Variants in RIPOR2 observed in about 807,000 individuals in gnomAD.
RIPOR2 encodes the protein rho family-interacting cell polarization regulator 2.
RIPOR2 carries 39 observed loss-of-function variants against 114.5 expected under a neutral mutation model. The ratio of observed to expected loss-of-function variants is 0.34; its 90% CI spans 0.26 to 0.44. The LOEUF (loss-of-function observed/expected upper bound fraction) is 0.44. Among genes scored for constraint, RIPOR2 ranks in the 20% least tolerant of loss-of-function variants. The probability of loss-of-function intolerance (pLI) is 1.00; values close to 1 mark genes in which losing one functional copy is unlikely to be tolerated. For missense variants in RIPOR2, 1,007 were observed against 1,255.1 expected (o/e 0.80, Z 2.99); for synonymous variants, 445 against 484.4 (o/e 0.92, Z 1.07).
intron 12 of RIPOR2, among the ~76,000 whole-genome samples, 182 bp from the exon 13 acceptor site, chr6:24,843,736 T>C (rs2113737922): frequency 6.7e-6 from 1 of 149,258 alleles, no homozygotes; most frequent in Admixed American, 6.7e-5. Context: ...TGTGTGTGTG[T>C]GTGTGTGTAT....
At chr6:24,824,691 C>G (rs1442843687) in intron 19 of RIPOR2, among the ~76,000 whole-genome samples, 1 of 152,210 alleles carries the variant, frequency 6.6e-6, no homozygotes. Context: ...CTCTTTCAGC[C>G]AATAGTTAGA....
At chr6:24,839,841 G>A (rs1761481570) in intron 13 of RIPOR2, 1 of 1,265,544 alleles carries the variant, frequency 7.9e-7, no homozygotes, top group Admixed American at 3.9e-5. Flanking sequence ...GCTATCTAAG[G>A]CATCTGCTCT....
rs1038921073 is a variant in RIPOR2, at chr6:24,913,617, G to T, written c.61+22221C>A. On this transcript the variant is annotated intron_variant, in intron 1 of 21. Coordinates refer to ENST00000643898, the MANE Select transcript of RIPOR2 (RefSeq NM_001286445.3). ...TTAAGGTCATATAACCAAATAAAAA[G>T]CCCACACCAGGTCTCCTAGAGCTTA... Among the ~76,000 whole-genome samples, 26 of 152,104 alleles carry T rather than the reference G, an allele frequency of 1.7e-4. 3 individuals are homozygous for T. The highest frequency in any genetic ancestry group is 1.6e-3 in the Admixed American group (25 of 15,262).
chr6:24,885,913 T>C (rs1046338388), intron 1 of RIPOR2, among the ~76,000 whole-genome samples: 7 of 152,176 alleles, frequency 4.6e-5, no homozygotes, highest in Non-Finnish European at 1.0e-4. Context: ...AAGATAGCAA[T>C]TTTTAGGTAA....
intron 1 of RIPOR2, among the ~76,000 whole-genome samples, chr6:24,987,763 T>A (rs1239152276): frequency 1.3e-5 from 2 of 152,190 alleles, no homozygotes; most frequent in Non-Finnish European, 2.9e-5. Flanking sequence ...ATATACCACA[T>A]GGGATAAATC....
chr6:25,016,603 A>G (rs1776015337), intron 1 of RIPOR2, among the ~76,000 whole-genome samples: 1 of 152,238 alleles, frequency 6.6e-6, no homozygotes. Context: ...GAATCTGGGA[A>G]CATTAAGTAA....
At chr6:24,998,156 C>G (rs1415429035) in intron 1 of RIPOR2, among the ~76,000 whole-genome samples, 2 of 152,082 alleles carry the variant, frequency 1.3e-5, no homozygotes, top group East Asian at 3.9e-4. Flanking sequence ...TCTCCTTTTC[C>G]CCTTAACTTC....
At chr6:25,015,308 T>C (rs1400272549) in intron 1 of RIPOR2, 2 of 152,250 alleles carry the variant, frequency 1.3e-5, no homozygotes. Flanking sequence ...CAAGAGCACA[T>C]TTGTACTCTG....
chr6:25,002,988 G>A (rs187823954), intron 1 of RIPOR2, among the ~76,000 whole-genome samples: 6 of 152,166 alleles, frequency 3.9e-5, no homozygotes, highest in Admixed American at 6.5e-5. Flanking sequence ...CAGCTCCTGC[G>A]AATATTTCTG....
At position 24,873,697 on chromosome 6, in the gene RIPOR2, C is replaced by T. The variant is rs762536781; in HGVS notation, c.291G>A (p.Glu97=). 10 of 1,613,604 alleles carry T rather than the reference C, an allele frequency of 6.2e-6. No individual in the cohort carries two copies. Among genetic ancestry groups the T allele is most frequent in the Non-Finnish European group, 7.6e-6 (9 of 1,179,836 alleles). The change falls in exon 3 of 22, where the codon GAG becomes GAA. Residue 97 remains glutamate, a synonymous_variant. Coordinates refer to ENST00000643898, the MANE Select transcript of RIPOR2 (RefSeq NM_001286445.3). ...LGHKNNNPPK[E]PQPKRVEEVY... ...CTTCTTCCACCCTTTTAGGCTGAGGCTCTTTGGGGGGATTGTTGTTTTTGT... is the reference window on the plus strand; with the variant it reads ...CTTCTTCCACCCTTTTAGGCTGAGGTTCTTTGGGGGGATTGTTGTTTTTGT...
intron 1 of RIPOR2, among the ~76,000 whole-genome samples, chr6:24,942,187 A>G (rs1772169558): frequency 6.6e-6 from 1 of 152,218 alleles, no homozygotes; most frequent in Admixed American, 6.5e-5. Flanking sequence ...GAAAAAATGA[A>G]TTTTATTTAA....
chr6:24,921,650 C>T (rs1021980433), intron 1 of RIPOR2, among the ~76,000 whole-genome samples: 2 of 147,154 alleles, frequency 1.4e-5, no homozygotes, highest in African/African-American at 5.0e-5. Context: ...TAACACTTAT[C>T]GCCCCCCCCG....
At chr6:24,949,130 G>A (rs970540906) in intron 1 of RIPOR2, among the ~76,000 whole-genome samples, 1 of 151,836 alleles carries the variant, frequency 6.6e-6, no homozygotes, top group Non-Finnish European at 1.5e-5. Context: ...TTTGAAAAGC[G>A]CCACCCATCC....
At chr6:25,003,515 A>C (rs963211211) in intron 1 of RIPOR2, among the ~76,000 whole-genome samples, 2 of 151,474 alleles carry the variant, frequency 1.3e-5, no homozygotes, top group Admixed American at 1.3e-4. Context: ...TGTAGCCTCA[A>C]CCTCCCTGGG....
intron 1 of RIPOR2, among the ~76,000 whole-genome samples, chr6:24,932,300 A>T (rs1019938937): frequency 1.3e-5 from 2 of 149,406 alleles, no homozygotes; most frequent in Non-Finnish European, 3.0e-5. Context: ...GTTGTTAGGA[A>T]AGCAAACTTA....
At chr6:24,822,597 C>T (rs1488751827) in intron 19 of RIPOR2, among the ~76,000 whole-genome samples, 1 of 152,152 alleles carries the variant, frequency 6.6e-6, no homozygotes, top group Non-Finnish European at 1.5e-5. Context: ...CAGGTCACTG[C>T]AACCTTCGCC....
At chr6:24,877,115 TA>T (rs769071790) in intron 1 of RIPOR2, 3 of 984,732 alleles carry the variant, frequency 3.0e-6, no homozygotes, top group East Asian at 1.1e-4. Flanking sequence ...AAAGAAAAGC[TA>T]AAAAAAACAA....
Position 24,950,338 on chromosome 6 carries a change from C to G in RIPOR2, c.77-74521G>C, listed in dbSNP as rs112572745. Among the ~76,000 whole-genome samples, 441 of 152,304 alleles carry G rather than the reference C, an allele frequency of 2.9e-3. 3 individuals carry two copies. The highest frequency in any genetic ancestry group is 3.7e-3 in the Non-Finnish European group (254 of 68,032). On this transcript the variant is annotated intron_variant, in intron 1 of 13. Coordinates refer to the RIPOR2 transcript ENST00000510784. ...TTGTCTTAAATGCAAGATTCTTTCT[C>G]TTTTCTTCCTCCCTCCCTCCCTCCT...
chr6:24,962,954 C>T (rs74957132), intron 1 of RIPOR2, among the ~76,000 whole-genome samples: 39 of 152,182 alleles, frequency 2.6e-4, no homozygotes, highest in Non-Finnish European at 4.3e-4. Flanking sequence ...GCAAATCCCA[C>T]CGGAGCAGGG....
Sources: gnomAD v4.1 joint callset for allele counts (sites outside exome capture counted in the v4.1 genomes callset) on GRCh38, gnomAD v4.1.1 for gene constraint, MANE v1.5 for transcripts, NCBI Gene and HGNC (gene_info 2026-07-23, HGNC 2026-07-21) for gene names.